The following BCL11B variants were observed in gnomAD, a reference collection of about 807,000 sequenced individuals.
BCL11B encodes B-cell lymphoma/leukemia 11B.
Under a neutral mutation model 49.9 loss-of-function variants are expected in BCL11B, and 8 were observed. That is an observed-to-expected ratio of 0.16 (90% CI 0.09 to 0.29). BCL11B has a LOEUF of 0.29. BCL11B is among the 10% of genes least tolerant of loss of function. BCL11B has a pLI of 1.00. For missense variants in BCL11B, 1,006 were observed against 1,351.0 expected (o/e 0.74, Z 4.00); for synonymous variants, 739 against 637.4 (o/e 1.16, Z -2.40).
chr14:99,254,738 G>A (rs548800990), intron 2 of BCL11B, among the ~76,000 whole-genome samples: 155 of 152,364 alleles, frequency 1.0e-3, no homozygotes, highest in African/African-American at 3.7e-3. Context: ...GCCGGCCCGG[G>A]GGCCAGGAGC....
intron 3 of BCL11B, among the ~76,000 whole-genome samples, chr14:99,199,681 T>TGCGCGCGCGC (rs1373200594): frequency 2.8e-4 from 20 of 71,078 alleles, no homozygotes; most frequent in Admixed American, 1.0e-3. Context: ...TGTGTGTGTG[T>TGCGCGCGCGC]GTGCGCGCGC....
chr14:99,172,776 G>T lies in BCL11B; in HGVS notation c.*1375C>A. ...AATGCAAACAAAAGCTTTAAAGTGC[G>T]GGTCAACAGAATTCAAATGTCTAAT... On this transcript the variant is annotated 3_prime_UTR_variant, in exon 4 of 4. Transcript: ENST00000357195. 4.6e-6 allele frequency: 1 copy of T among 215,734 alleles called. No homozygotes were observed. The allele number at this position is 215,734 out of a possible 1,614,324, so 13.4% of individuals were successfully genotyped here. A position where few individuals can be genotyped will look rare whatever the true frequency, so the allele number is the denominator to read the frequency against.
At chr14:99,246,046 C>T (rs1422158066) in intron 2 of BCL11B, among the ~76,000 whole-genome samples, 2 of 152,184 alleles carry the variant, frequency 1.3e-5, no homozygotes, top group Non-Finnish European at 2.9e-5. Flanking sequence ...CCCGAGGCGG[C>T]TCCGATTCAC....
At chr14:99,229,775 T>C (rs958807427) in intron 3 of BCL11B, among the ~76,000 whole-genome samples, 3 of 152,056 alleles carry the variant, frequency 2.0e-5, no homozygotes, top group South Asian at 2.1e-4. Context: ...TTCGATAGCA[T>C]GGCCCCCCCA....
intron 3 of BCL11B, among the ~76,000 whole-genome samples, chr14:99,211,011 G>A (rs1407251150): frequency 6.6e-6 from 1 of 151,930 alleles, no homozygotes; most frequent in East Asian, 1.9e-4. Flanking sequence ...TACCAATGAC[G>A]ACAATGATCA....
At chr14:99,244,976 T>G (rs1325715689) in intron 2 of BCL11B, among the ~76,000 whole-genome samples, 1 of 152,208 alleles carries the variant, frequency 6.6e-6, no homozygotes. Context: ...AATAGAGATG[T>G]GGGTCCAATC....
chr14:99,176,273 C>T, intron 3 of BCL11B, 78 bp from the exon 4 acceptor site: 1 of 1,355,814 alleles, frequency 7.4e-7, no homozygotes, highest in Non-Finnish European at 1.0e-6. Flanking sequence ...GGGCCACTGG[C>T]CTGGGGGACG....
chr14:99,268,159 A>G (rs1044540573), intron 1 of BCL11B, among the ~76,000 whole-genome samples: 13 of 151,676 alleles, frequency 8.6e-5, no homozygotes, highest in Admixed American at 2.0e-4. Context: ...CCAGAAGCCC[A>G]GGTTTCCATC....
At chr14:99,234,992 C>A (rs1029091612) in intron 2 of BCL11B, among the ~76,000 whole-genome samples, 1 of 151,928 alleles carries the variant, frequency 6.6e-6, no homozygotes, top group African/African-American at 2.4e-5. Flanking sequence ...AGGGGTCTGT[C>A]ACCCGTCTCT....
At chr14:99,187,194 G>A (rs1026969282) in intron 3 of BCL11B, among the ~76,000 whole-genome samples, 2 of 152,162 alleles carry the variant, frequency 1.3e-5, no homozygotes, top group African/African-American at 2.4e-5. Context: ...AAGCAACATT[G>A]CCAGCCGCAG....
chr14:99,271,088 G>T, intron 1 of BCL11B, 73 bp downstream of exon 1: 1 of 1,430,584 alleles, frequency 7.0e-7, no homozygotes, highest in Non-Finnish European at 9.2e-7. Flanking sequence ...GGCTGTTCCG[G>T]GCTCGGTGTC....
rs61756332 is a variant in BCL11B, at chr14:99,175,353, C to T, written c.1483G>A (p.Ala495Thr). 331 of 1,563,146 alleles carry T rather than the reference C, an allele frequency of 2.1e-4. 2 individuals are homozygous for T. In the South Asian group the frequency reaches 2.6e-3, roughly 12 times the overall value. The change falls in exon 4 of 4, where the codon GCC becomes ACC. Residue 495 changes from alanine (A) to threonine (T), a missense_variant. Around this residue, in one of 6 missense-constraint regions of BCL11B, gnomAD observed 443 missense variants for 499.7 expected, o/e 0.89. Coordinates refer to ENST00000357195, the MANE Select transcript of BCL11B (RefSeq NM_138576.4). Reference protein sequence around the residue: ...AGRSDDGLSAASSPEPGTSEL... With the variant: ...AGRSDDGLSATSSPEPGTSEL... ...CTGGTGCCGGGCTCGGGGGAGCTGGCGGCCGAGAGCCCGTCGTCGGAGCGG... is the reference window on the plus strand; with the variant it reads ...CTGGTGCCGGGCTCGGGGGAGCTGGTGGCCGAGAGCCCGTCGTCGGAGCGG...
At chr14:99,267,881 A>G (rs909587433) in intron 1 of BCL11B, among the ~76,000 whole-genome samples, 1 of 152,222 alleles carries the variant, frequency 6.6e-6, no homozygotes, top group African/African-American at 2.4e-5. Context: ...GACTGGGGTT[A>G]CGCAGTTTAC....
intron 1 of BCL11B, among the ~76,000 whole-genome samples, chr14:99,265,592 T>G (rs1229182549): frequency 2.6e-5 from 4 of 152,178 alleles, no homozygotes; most frequent in African/African-American, 9.7e-5. Flanking sequence ...TTTTAACGGT[T>G]TTCTGCAGCT....
chr14:99,271,138 G>C, intron 1 of BCL11B, 23 bp downstream of exon 1: 1 of 1,538,194 alleles, frequency 6.5e-7, no homozygotes. Context: ...CCGGCCCCTC[G>C]CGCGCACTCC....
chr14:99,271,086 CG>C, intron 1 of BCL11B, 74 bp downstream of exon 1: 1 of 1,417,944 alleles, frequency 7.1e-7, no homozygotes, highest in Non-Finnish European at 9.3e-7. Flanking sequence ...TCGGCTGTTC[CG>C]GGCTCGGTGT....
chr14:99,229,506 C>T (rs1888266653), intron 3 of BCL11B, among the ~76,000 whole-genome samples: 1 of 152,176 alleles, frequency 6.6e-6, no homozygotes, highest in African/African-American at 2.4e-5. Context: ...TGGCTAGCCA[C>T]TCTCCCTCCC....
chr14:99,255,405 GAAAAAAAAAAAAAAAAAAAAAAA>G (rs67440207), intron 2 of BCL11B, among the ~76,000 whole-genome samples: 3 of 65,168 alleles, frequency 4.6e-5, no homozygotes, highest in African/African-American at 6.2e-5. Context: ...TCACAACCTG[GAAAAAAAAAAAAAAAAAAAAAAA>G]AAAAAAACAG....
rs549387138 is a variant in BCL11B, at chr14:99,221,596, C to T, written c.640+9749G>A. Among the ~76,000 whole-genome samples the T allele has an allele frequency of 7.2e-5, 11 of 152,374 alleles. No homozygotes were observed. The South Asian group carries it at 1.0e-3, about 14-fold the overall frequency. On this transcript the variant is annotated intron_variant, in intron 3 of 3. Transcript: ENST00000357195. The stretch of plus-strand genomic sequence containing the variant: ...GCCAGGCGGGAGGGGCAGGCCAGGA[C>T]CAGACGCAAGGACAGGAGCAGGATG...
Sources: allele counts gnomAD v4.1 joint callset (sites outside exome capture counted in the v4.1 genomes callset), GRCh38; gene constraint gnomAD v4.1.1; regional missense constraint gnomAD v4.1.1; transcripts MANE v1.5; gene names NCBI Gene and HGNC (gene_info 2026-07-23, HGNC 2026-07-21).